CPNE8: variants seen among roughly 807,000 people sequenced by gnomAD.
CPNE8 encodes copine 8.
In CPNE8, 45 loss-of-function variants were observed where a neutral mutation model predicts 81.5. The ratio of observed to expected loss-of-function variants is 0.55; its 90% CI spans 0.44 to 0.71. The LOEUF is 0.71. Among genes scored for constraint, CPNE8 ranks in the 30% least tolerant of loss-of-function variants. The probability of loss-of-function intolerance (pLI) is 0.00; values close to 1 mark genes in which losing one functional copy is unlikely to be tolerated. For synonymous variants in CPNE8, 252 were observed against 226.3 expected, an observed-to-expected ratio of 1.11 and a Z score of -1.02; for missense variants, 594 against 672.1, an observed-to-expected ratio of 0.88 and a Z score of 1.28.
chr12:38,829,322 G>A (rs1943248110), intron 6 of CPNE8, 57 bp downstream of exon 6: 1 of 1,246,900 alleles, frequency 8.0e-7, no homozygotes, highest in Non-Finnish European at 1.2e-6. Flanking sequence ...ATTCCAAACT[G>A]ACAAAATAGA....
chr12:38,811,672 T>C (rs1942937783), intron 6 of CPNE8, among the ~76,000 whole-genome samples: 1 of 152,112 alleles, frequency 6.6e-6, no homozygotes, highest in Non-Finnish European at 1.5e-5. Context: ...CTAGTCAACA[T>C]AGTGAGAATA....
At chr12:38,698,560 C>T (rs1360358536) in intron 14 of CPNE8, among the ~76,000 whole-genome samples, 1 of 152,112 alleles carries the variant, frequency 6.6e-6, no homozygotes, top group Non-Finnish European at 1.5e-5. Context: ...GTATTTGATC[C>T]ATTTTGAGTT....
intron 10 of CPNE8, among the ~76,000 whole-genome samples, chr12:38,741,506 C>T (rs1941104106): frequency 1.3e-5 from 2 of 152,158 alleles, no homozygotes; most frequent in Admixed American, 6.6e-5. Flanking sequence ...GGATCCCTTC[C>T]TTACACCTTA....
chr12:38,843,660 A>G (rs996333466), intron 4 of CPNE8, among the ~76,000 whole-genome samples: 1 of 152,146 alleles, frequency 6.6e-6, no homozygotes, highest in African/African-American at 2.4e-5. Flanking sequence ...TGAGTGACGA[A>G]AAACATAGAA....
chr12:38,809,289 A>T (rs1352471201), intron 6 of CPNE8, among the ~76,000 whole-genome samples: 1 of 152,158 alleles, frequency 6.6e-6, no homozygotes, highest in African/African-American at 2.4e-5. Context: ...AACATAATTT[A>T]ATTCCTTCTC....
chr12:38,825,535 A>G (rs1158347627), intron 6 of CPNE8, among the ~76,000 whole-genome samples: 3 of 152,116 alleles, frequency 2.0e-5, no homozygotes, highest in South Asian at 4.1e-4. Flanking sequence ...CCTCAACCCA[A>G]TTGTGCTTTT....
At chr12:38,710,752 G>T (rs1940235199) in intron 13 of CPNE8, among the ~76,000 whole-genome samples, 1 of 152,130 alleles carries the variant, frequency 6.6e-6, no homozygotes, top group Non-Finnish European at 1.5e-5. Context: ...GGGCAATGAA[G>T]CTGTAACCAG....
At chr12:38,856,179 G>A (rs1943730975) in intron 3 of CPNE8, among the ~76,000 whole-genome samples, 1 of 151,904 alleles carries the variant, frequency 6.6e-6, no homozygotes, top group Non-Finnish European at 1.5e-5. Context: ...GACCAATAAT[G>A]AATAAGAGAT....
At chr12:38,902,362 A>AAGAAAGAAAAG (rs1565670122) in intron 1 of CPNE8, among the ~76,000 whole-genome samples, 1 of 95,254 alleles carries the variant, frequency 1.0e-5, no homozygotes, top group African/African-American at 6.1e-5. Flanking sequence ...GAAAGAAAGA[A>AAGAAAGAAAAG]AGAAAGAAAG....
intron 19 of CPNE8, among the ~76,000 whole-genome samples, chr12:38,660,388 G>T (rs1938926276): frequency 6.6e-6 from 1 of 152,166 alleles, no homozygotes; most frequent in Non-Finnish European, 1.5e-5. Context: ...TTAATAAATG[G>T]TGCTGGGAAA....
intron 1 of CPNE8, among the ~76,000 whole-genome samples, chr12:38,899,672 T>C (rs996761719): frequency 2.4e-4 from 37 of 152,236 alleles, no homozygotes; most frequent in African/African-American, 8.4e-4. Context: ...TTTACTGATG[T>C]GTAGAGTATG....
intron 7 of CPNE8, among the ~76,000 whole-genome samples, chr12:38,768,102 A>C (rs1941728264): frequency 2.0e-5 from 3 of 151,756 alleles, no homozygotes; most frequent in Admixed American, 1.3e-4. Flanking sequence ...ATTCCTGTTC[A>C]TTAAGGAAAT....
chr12:38,688,184 T>A lies in CPNE8; in HGVS notation c.1144-2567A>T, dbSNP rs190536585. ...TTTACGTTTTGATGAAACTGTATGTTATCACTATTTCTCTGGAATTGAAAC... is the reference window on the plus strand; with the variant it reads ...TTTACGTTTTGATGAAACTGTATGTAATCACTATTTCTCTGGAATTGAAAC... On this transcript the variant is annotated intron_variant, in intron 15 of 19. Coordinates refer to ENST00000331366, the MANE Select transcript of CPNE8 (RefSeq NM_153634.3). Among the ~76,000 whole-genome samples, 748 of 152,310 alleles carry A rather than the reference T, an allele frequency of 4.9e-3. 8 individuals carry two copies. Among genetic ancestry groups the A allele is most frequent in the African/African-American group, 0.018 (728 of 41,578 alleles).
intron 7 of CPNE8, among the ~76,000 whole-genome samples, chr12:38,772,033 T>C (rs1941814350): frequency 6.6e-6 from 1 of 152,074 alleles, no homozygotes. Context: ...AATAGGTAGG[T>C]GCTGCTTTCA....
intron 5 of CPNE8, among the ~76,000 whole-genome samples, chr12:38,834,266 G>A (rs757351394): frequency 6.6e-6 from 1 of 152,048 alleles, no homozygotes; most frequent in Non-Finnish European, 1.5e-5. Context: ...CTATATCTTA[G>A]TCTTCAAACA....
At chr12:38,819,766 CAAAAAA>C (rs71068584) in intron 6 of CPNE8, among the ~76,000 whole-genome samples, 11 of 65,306 alleles carry the variant, frequency 1.7e-4, no homozygotes, top group South Asian at 1.4e-3. Context: ...GACTCCGTCT[CAAAAAA>C]AAAAAAAAAA....
At chr12:38,757,931 G>A (rs1941494507) in intron 10 of CPNE8, among the ~76,000 whole-genome samples, 1 of 151,750 alleles carries the variant, frequency 6.6e-6, no homozygotes, top group Non-Finnish European at 1.5e-5. Context: ...GTTAATGATG[G>A]TATAGTAAGA....
chr12:38,730,434 G>T (rs536751548), intron 10 of CPNE8, 76 bp from the exon 11 acceptor site: 3 of 736,270 alleles, frequency 4.1e-6, no homozygotes, highest in South Asian at 3.9e-5. Flanking sequence ...TTTTAGAAAG[G>T]TTTAATCATT....
chr12:38,900,683 C>A (rs762592326), intron 1 of CPNE8, among the ~76,000 whole-genome samples: 20 of 152,194 alleles, frequency 1.3e-4, no homozygotes, highest in Admixed American at 3.3e-4. Flanking sequence ...CTAGGATGAA[C>A]GCTCACACTT....
Sources: allele counts gnomAD v4.1 joint callset (sites outside exome capture counted in the v4.1 genomes callset), GRCh38; gene constraint gnomAD v4.1.1; transcripts MANE v1.5; gene names NCBI Gene and HGNC (gene_info 2026-07-23, HGNC 2026-07-21).